The following PRKAA1 variants were observed in gnomAD, a reference collection of about 807,000 sequenced individuals.
PRKAA1 encodes the protein 5'-AMP-activated protein kinase catalytic subunit alpha-1.
A neutral mutation model predicts 56.9 loss-of-function variants in PRKAA1; 23 were observed. The ratio of observed to expected loss-of-function variants is 0.40; its 90% CI spans 0.29 to 0.57. The LOEUF is 0.57. Among genes scored for constraint, PRKAA1 ranks in the 20% least tolerant of loss-of-function variants. The pLI is 0.39. For missense variants in PRKAA1, 413 were observed against 679.7 expected, an observed-to-expected ratio of 0.61 and a Z score of 4.36; for synonymous variants, 226 against 227.0, an observed-to-expected ratio of 1.00 and a Z score of 0.04.
chr5:40,793,458 T>C (rs572899459), intron 1 of PRKAA1, among the ~76,000 whole-genome samples: 9 of 152,326 alleles, frequency 5.9e-5, no homozygotes, highest in African/African-American at 1.9e-4. Context: ...TCCAGCCTAC[T>C]CTCCCCGCAA....
intron 4 of PRKAA1, among the ~76,000 whole-genome samples, chr5:40,770,822 C>T (rs2112010773): frequency 6.6e-6 from 1 of 151,856 alleles, no homozygotes; most frequent in South Asian, 2.1e-4. Context: ...AACTCCTGAC[C>T]TCAGGTGATC....
chr5:40,786,993 A>C (rs1356024354), intron 1 of PRKAA1, among the ~76,000 whole-genome samples: 2 of 151,914 alleles, frequency 1.3e-5, no homozygotes. Flanking sequence ...GAAATGGTAA[A>C]GAAACTTCTT....
At chr5:40,779,471 T>A (rs1744171641) in intron 1 of PRKAA1, among the ~76,000 whole-genome samples, 1 of 152,168 alleles carries the variant, frequency 6.6e-6, no homozygotes, top group Non-Finnish European at 1.5e-5. Flanking sequence ...TAGGCACTAA[T>A]AACATATTTT....
chr5:40,768,939 T>C (rs1743597600), intron 5 of PRKAA1: 2 of 1,509,530 alleles, frequency 1.3e-6, no homozygotes, highest in African/African-American at 1.4e-5. Flanking sequence ...TTGCAGTCTC[T>C]AAAAGGTTTA....
chr5:40,765,840 G>A (rs554403695), intron 6 of PRKAA1, among the ~76,000 whole-genome samples: 1 of 152,078 alleles, frequency 6.6e-6, no homozygotes, highest in South Asian at 2.1e-4. Flanking sequence ...GACTGGAAAG[G>A]CCATGCCCTG....
intron 1 of PRKAA1, among the ~76,000 whole-genome samples, chr5:40,793,085 A>G (rs549337831): frequency 2.3e-4 from 35 of 152,180 alleles, no homozygotes; most frequent in African/African-American, 8.2e-4. Context: ...AAAAAAGAAA[A>G]AGAAAAAAAA....
At chr5:40,785,911 A>C (rs1744461433) in intron 1 of PRKAA1, among the ~76,000 whole-genome samples, 1 of 151,848 alleles carries the variant, frequency 6.6e-6, no homozygotes, top group South Asian at 2.1e-4. Flanking sequence ...AGACAGAGGC[A>C]GAGACTGGAG....
intron 4 of PRKAA1, among the ~76,000 whole-genome samples, chr5:40,770,765 A>G (rs1049461715): frequency 1.3e-5 from 2 of 151,436 alleles, no homozygotes; most frequent in Non-Finnish European, 2.9e-5. Flanking sequence ...CTAATTTTGT[A>G]TTTTTAGTAG....
At chr5:40,773,406 A>G (rs1170517458) in intron 3 of PRKAA1, among the ~76,000 whole-genome samples, 1 of 152,226 alleles carries the variant, frequency 6.6e-6, no homozygotes, top group East Asian at 1.9e-4. Flanking sequence ...GTACAATTAC[A>G]AAGGATGGAG....
intron 2 of PRKAA1, among the ~76,000 whole-genome samples, chr5:40,776,529 C>G (rs1744011768): frequency 6.6e-6 from 1 of 152,138 alleles, no homozygotes; most frequent in African/African-American, 2.4e-5. Flanking sequence ...ACCTAGCACT[C>G]AACAAATGAG....
rs866752519 is a variant in PRKAA1, at chr5:40,778,022, C to T, written c.128-436G>A. Among the ~76,000 whole-genome samples the T allele has an allele frequency of 5.3e-5, 8 of 151,914 alleles. No individual in the cohort carries two copies. The South Asian group carries it at 1.7e-3, about 32-fold the overall frequency. ...CCAGGAGGCGGAGGTTGCAGTGAGC[C>T]GAGATCACACCACTGCACTCCAGCT... On this transcript the variant is annotated intron_variant, in intron 1 of 8. Coordinates refer to ENST00000397128, the MANE Select transcript of PRKAA1 (RefSeq NM_006251.6).
rs1235425781 is a variant in PRKAA1, at chr5:40,762,838, TC to T, written c.1619del (p.Gly540GlufsTer5). The T allele has an allele frequency of 6.2e-7, 1 of 1,614,172 alleles. No individual in the cohort carries two copies. On this transcript the variant is annotated frameshift_variant, in exon 9 of 9. Transcript: ENST00000397128. LOFTEE classifies it high-confidence loss of function. ...TCTCAAAAAATTCTATTGTGTGACT[TC>T]CAGGTCTTGGAGTTAGGTCAACAGG... Reference protein sequence around the residue: ...SSPVDLTPRPGSHTIEFFEMC... With the variant: ...SSPVDLTPRPXSHTIEFFEMC...
At chr5:40,770,768 T>C (rs1743709295) in intron 4 of PRKAA1, among the ~76,000 whole-genome samples, 1 of 151,534 alleles carries the variant, frequency 6.6e-6, no homozygotes, top group African/African-American at 2.4e-5. Context: ...ATTTTGTATT[T>C]TTAGTAGAGA....
rs768701727 is a variant in PRKAA1, at chr5:40,765,009, A to T, written c.1051T>A (p.Phe351Ile). Reference sequence around the variant, plus strand: ...TCAGGTGGGCTTGTCGCCAAATAGAAATCTTTGGCTTCATTCATTATTCTC... The same window carrying T: ...TCAGGTGGGCTTGTCGCCAAATAGATATCTTTGGCTTCATTCATTATTCTC... ...NRRIMNEAKD[F>I]YLATSPPDSF... Residue 351 changes from phenylalanine to isoleucine, a missense_variant, in exon 7 of 9, where the codon TTC becomes ATC. By Grantham distance (21) the Phe-to-Ile change is conservative. Transcript: ENST00000397128. 1 of 1,614,180 alleles carries T rather than the reference A, an allele frequency of 6.2e-7. No individual in the cohort carries two copies. The highest frequency in any genetic ancestry group is 2.2e-5 in the East Asian group (1 of 44,878).
intron 1 of PRKAA1, among the ~76,000 whole-genome samples, chr5:40,786,204 G>C (rs1410308432): frequency 6.7e-6 from 1 of 150,134 alleles, no homozygotes; most frequent in Non-Finnish European, 1.5e-5. Flanking sequence ...GCAGTGAGCT[G>C]AGATCATGCC....
chr5:40,781,384 A>C (rs1296830846), intron 1 of PRKAA1, among the ~76,000 whole-genome samples: 1 of 152,120 alleles, frequency 6.6e-6, no homozygotes, highest in Non-Finnish European at 1.5e-5. Flanking sequence ...TATTCCATCA[A>C]AATCAGGAAG....
In PRKAA1 at chr5:40,762,592, G is replaced by A; in HGVS notation, c.*186C>T. On this transcript the variant is annotated 3_prime_UTR_variant, in exon 9 of 9. Transcript: ENST00000397128. ...CATACTGCACAATGAACAACAAAAT[G>A]ATCTTAATTCATTTCTGCATATTAG... The A allele has an allele frequency of 1.5e-6, 1 of 684,706 alleles. No homozygotes were observed. The highest frequency in any genetic ancestry group is 3.0e-5 in the East Asian group (1 of 33,824). 42.4% of individuals were successfully genotyped at this position (684,706 alleles called of 1,614,324 possible). A position where few individuals can be genotyped will look rare whatever the true frequency, so the allele number is the denominator to read the frequency against.
intron 4 of PRKAA1, among the ~76,000 whole-genome samples, chr5:40,771,081 CCTT>C (rs1194275014): frequency 1.3e-5 from 2 of 152,140 alleles, no homozygotes; most frequent in African/African-American, 4.8e-5. Context: ...CACTCACTTT[CCTT>C]CTTCTCCATA....
chr5:40,790,331 T>C (rs546490725), intron 1 of PRKAA1: 1 of 152,356 alleles, frequency 6.6e-6, no homozygotes, highest in Non-Finnish European at 1.5e-5. Flanking sequence ...CACATGTACA[T>C]GAAGACTGGG....
Sources: gnomAD v4.1 joint callset for allele counts (sites outside exome capture counted in the v4.1 genomes callset) on GRCh38, gnomAD v4.1.1 for gene constraint, MANE v1.5 for transcripts, NCBI Gene and HGNC (gene_info 2026-07-23, HGNC 2026-07-21) for gene names.